Variants in ACER3 observed in about 807,000 individuals in gnomAD.
ACER3 encodes the protein alkaline ceramidase 3.
A neutral mutation model predicts 48.9 loss-of-function variants in ACER3; 16 were observed. The ratio of observed to expected loss-of-function variants is 0.33; its 90% CI spans 0.22 to 0.50. The LOEUF is 0.50. ACER3 is among the 20% of genes least tolerant of loss of function. ACER3 has a pLI of 0.98. For synonymous variants in ACER3, 109 were observed against 107.8 expected, an observed-to-expected ratio of 1.01 and a Z score of -0.07; for missense variants, 227 against 326.0, an observed-to-expected ratio of 0.70 and a Z score of 2.34.
intron 4 of ACER3, among the ~76,000 whole-genome samples, chr11:76,977,435 T>A (rs1948470735): frequency 6.6e-6 from 1 of 152,200 alleles, no homozygotes; most frequent in Admixed American, 6.5e-5. Context: ...TTGAGTAAGT[T>A]AGGGTATGCA....
chr11:76,940,999 A>G (rs1947324149), intron 2 of ACER3, among the ~76,000 whole-genome samples: 1 of 136,152 alleles, frequency 7.3e-6, no homozygotes, highest in Non-Finnish European at 1.6e-5. Context: ...CCCACCAAAT[A>G]TGTGTGTGTA....
At chr11:76,920,402 C>T (rs1391072610) in intron 1 of ACER3, among the ~76,000 whole-genome samples, 1 of 152,168 alleles carries the variant, frequency 6.6e-6, no homozygotes, top group Non-Finnish European at 1.5e-5. Context: ...CTCGGCTATT[C>T]AGTGAACCAT....
At chr11:76,875,491 A>G (rs1245833510) in intron 1 of ACER3, among the ~76,000 whole-genome samples, 1 of 151,942 alleles carries the variant, frequency 6.6e-6, no homozygotes, top group Admixed American at 6.6e-5. Context: ...ATATCCATTC[A>G]CCCACTATCT....
chr11:76,998,448 A>AGAGAAGAGAGGAGCTAAT, intron 6 of ACER3: 2 of 295,316 alleles, frequency 6.8e-6, no homozygotes, highest in Non-Finnish European at 6.2e-6. Context: ...GAGGAGCTAA[A>AGAGAAGAGAGGAGCTAAT]GATTATGAGG....
At position 77,020,654 on chromosome 11, in the gene ACER3, CCTT is replaced by C. The variant is rs1555024277; in HGVS notation, c.*331_*333del. On this transcript the variant is annotated 3_prime_UTR_variant, in exon 11 of 11. Coordinates refer to ENST00000532485, the MANE Select transcript of ACER3 (RefSeq NM_018367.7). ...GTTTGTGCTGGTTATAAGAAATTAA[CCTT>C]CTTTTCTTTTTGCCAAGGGTTGCAT... 1 of 220,962 alleles carries C rather than the reference CCTT, an allele frequency of 4.5e-6. No individual in the cohort carries two copies. Among genetic ancestry groups the C allele is most frequent in the East Asian group, 1.1e-4 (1 of 9,218 alleles). 13.7% of individuals were successfully genotyped at this position (220,962 alleles called of 1,614,324 possible).
intron 1 of ACER3, among the ~76,000 whole-genome samples, chr11:76,882,286 G>C (rs150245284): frequency 1.3e-5 from 2 of 152,118 alleles, no homozygotes; most frequent in Non-Finnish European, 2.9e-5. Context: ...TTACAGGCTT[G>C]AGCCATTGTG....
At chr11:76,891,991 C>T (rs1404395687) in intron 1 of ACER3, among the ~76,000 whole-genome samples, 2 of 152,154 alleles carry the variant, frequency 1.3e-5, no homozygotes, top group African/African-American at 2.4e-5. Flanking sequence ...TTTGCTTTTT[C>T]AGCATGAAGG....
intron 6 of ACER3, chr11:76,998,526 A>G: frequency 2.4e-6 from 1 of 415,800 alleles, no homozygotes. Context: ...CAGAATTAAA[A>G]TTGATATAGG....
intron 5 of ACER3, among the ~76,000 whole-genome samples, chr11:76,990,054 A>G (rs993085733): frequency 1.3e-5 from 2 of 152,222 alleles, no homozygotes; most frequent in African/African-American, 4.8e-5. Flanking sequence ...TTAGCTTATC[A>G]TTCCTCATCA....
At chr11:76,949,915 A>G (rs1237277665) in intron 2 of ACER3, among the ~76,000 whole-genome samples, 1 of 152,116 alleles carries the variant, frequency 6.6e-6, no homozygotes, top group Admixed American at 6.5e-5. Context: ...TAACTCTCCC[A>G]CATATACCCA....
chr11:76,876,933 G>A (rs1289239731), intron 1 of ACER3, among the ~76,000 whole-genome samples: 1 of 152,128 alleles, frequency 6.6e-6, no homozygotes, highest in African/African-American at 2.4e-5. Context: ...GTTTGTGATG[G>A]TTATTCAGCA....
At chr11:76,991,464 G>A (rs1260038953) in intron 6 of ACER3, among the ~76,000 whole-genome samples, 1 of 152,104 alleles carries the variant, frequency 6.6e-6, no homozygotes, top group Non-Finnish European at 1.5e-5. Context: ...ACATTATTAT[G>A]CCTTGCTTTT....
intron 3 of ACER3, among the ~76,000 whole-genome samples, chr11:76,966,727 A>G (rs1277524974): frequency 1.3e-5 from 2 of 150,508 alleles, no homozygotes; most frequent in African/African-American, 5.0e-5. Flanking sequence ...TAACGAAATG[A>G]AGGCAGAAAT....
chr11:76,877,077 CT>C (rs1472092454), intron 1 of ACER3, among the ~76,000 whole-genome samples: 2 of 152,080 alleles, frequency 1.3e-5, no homozygotes, highest in African/African-American at 4.8e-5. Context: ...AAGATTAGTA[CT>C]TTTATAAGCC....
chr11:76,970,744 G>C (rs1026412454), intron 3 of ACER3, among the ~76,000 whole-genome samples: 3 of 151,424 alleles, frequency 2.0e-5, no homozygotes, highest in African/African-American at 7.3e-5. Context: ...TCATACAACA[G>C]TAAAAATTCA....
At chr11:76,891,221 C>T (rs1051470987) in intron 1 of ACER3, among the ~76,000 whole-genome samples, 1 of 149,768 alleles carries the variant, frequency 6.7e-6, no homozygotes, top group East Asian at 1.9e-4. Flanking sequence ...TCAGAGGAAT[C>T]CAGTATTGTG....
chr11:77,020,344 G>C lies in ACER3; in HGVS notation c.*17G>C, dbSNP rs1949452829. ...AAGCATTGATGAATCATTCCACCAA[G>C]AAAACAAACAAGCACCTACCATAGA... On this transcript the variant is annotated 3_prime_UTR_variant, in exon 11 of 11. Transcript: ENST00000532485. 1 of 1,612,240 alleles carries C rather than the reference G, an allele frequency of 6.2e-7. No individual in the cohort carries two copies. Among genetic ancestry groups the C allele is most frequent in the African/African-American group, 1.3e-5 (1 of 74,860 alleles).
chr11:76,952,396 A>G (rs1590981109), intron 2 of ACER3, among the ~76,000 whole-genome samples: 1 of 150,530 alleles, frequency 6.6e-6, no homozygotes, highest in South Asian at 2.1e-4. Context: ...AGTAGCTGGG[A>G]CCACAGGCGC....
intron 2 of ACER3, among the ~76,000 whole-genome samples, chr11:76,948,825 C>T (rs944295884): frequency 6.6e-6 from 1 of 152,146 alleles, no homozygotes; most frequent in African/African-American, 2.4e-5. Flanking sequence ...CTGAATTTTT[C>T]ATAGTTTGAG....
Sources: allele counts gnomAD v4.1 joint callset (sites outside exome capture counted in the v4.1 genomes callset), GRCh38; gene constraint gnomAD v4.1.1; transcripts MANE v1.5; gene names NCBI Gene and HGNC (gene_info 2026-07-23, HGNC 2026-07-21).